The following ADAMTS16 variants were observed in gnomAD, a reference collection of about 807,000 sequenced individuals.
ADAMTS16 encodes the protein ADAM metallopeptidase with thrombospondin type 1 motif 16.
A neutral mutation model predicts 145.8 loss-of-function variants in ADAMTS16; 94 were observed. That is an observed-to-expected ratio of 0.64 (90% confidence interval 0.55 to 0.77). ADAMTS16 has a LOEUF of 0.77. Among genes scored for constraint, ADAMTS16 ranks in the 30% least tolerant of loss-of-function variants. ADAMTS16 has a pLI of 0.00. For missense variants in ADAMTS16, 1,585 were observed against 1,591.5 expected (o/e 1.00, Z 0.07); for synonymous variants, 659 against 604.3 (o/e 1.09, Z -1.33).
In ADAMTS16 at chr5:5,196,093, G is replaced by T. The variant is rs139387839; in HGVS notation, c.1314-4039G>T. On this transcript the variant is annotated intron_variant, in intron 8 of 22. Transcript: ENST00000274181. ...ATACAAAAATTAGCCGAGTGTGGTG[G>T]CAGGTTCCTGTAATCCCAGCTACTC... 9.5e-4 allele frequency among the ~76,000 whole-genome samples: 145 copies of T among 152,104 alleles called. 1 individual carries two copies. The East Asian group carries it at 0.023, about 25-fold the overall frequency.
rs199867877 is a variant in ADAMTS16 at position 5,140,742 on chromosome 5, C to A, written c.151C>A (p.Arg51=). The A allele has an allele frequency of 9.8e-4, 1,536 of 1,567,366 alleles. 8 individuals carry two copies. Among genetic ancestry groups the A allele is most frequent in the Non-Finnish European group, 1.0e-3 (1,197 of 1,157,586 alleles). Residue 51 remains arginine, a synonymous_variant, in exon 2 of 23, where the codon CGG becomes AGG. Transcript: ENST00000274181. Reference sequence around the variant, plus strand: ...CCCGCGTCCTCCTCCACCCGCGGAGCGGCCGGGCTGGATGGAAAAGGGCGG... The same window carrying A: ...CCCGCGTCCTCCTCCACCCGCGGAGAGGCCGGGCTGGATGGAAAAGGGCGG... The part of the protein sequence containing the change: ...SVPRPPPPAE[R]PGWMEKGEYD...
At chr5:5,318,934 C>T (rs1287573806) in intron 22 of ADAMTS16, 89 bp from the exon 23 acceptor site, 26 of 957,476 alleles carry the variant, frequency 2.7e-5, no homozygotes, top group Admixed American at 6.1e-5. Flanking sequence ...GTGACAAATT[C>T]GCTTTTATTT....
At chr5:5,241,868 C>A (rs1227736195) in intron 16 of ADAMTS16, among the ~76,000 whole-genome samples, 185 bp from the exon 17 acceptor site, 2 of 152,000 alleles carry the variant, frequency 1.3e-5, no homozygotes, top group Non-Finnish European at 2.9e-5. Context: ...TTTAGATGAG[C>A]TTGAATCTAG....
Position 5,146,315 on chromosome 5 carries a change from C to T in ADAMTS16, c.361C>T (p.Pro121Ser). 1 of 1,614,170 alleles carries T rather than the reference C, an allele frequency of 6.2e-7. No individual in the cohort carries two copies. The highest frequency in any genetic ancestry group is 8.5e-7 in the Non-Finnish European group (1 of 1,180,026). The change falls in exon 3 of 23, where the codon CCT becomes TCT. Residue 121 changes from proline to serine, a missense_variant. This residue lies in a region of ADAMTS16 where 453 missense variants were observed against 412.1 expected (regional missense o/e 1.10). Coordinates refer to ENST00000274181, the MANE Select transcript of ADAMTS16 (RefSeq NM_139056.4). ...GAGGACTTCCAGCAGCCTAGTGGCT[C>T]CTGGCTTTATTGTGCAGACGTTGGG... Reference protein sequence around the residue: ...DLRTSSSLVAPGFIVQTLGKT... With the variant: ...DLRTSSSLVASGFIVQTLGKT...
At chr5:5,279,968 CTTTCT>C (rs764629159) in intron 18 of ADAMTS16, among the ~76,000 whole-genome samples, 1,370 of 125,892 alleles carry the variant, frequency 0.011, 10 homozygotes, top group Non-Finnish European at 0.018. Flanking sequence ...TTCTTTCCTT[CTTTCT>C]TTTTTTCTTT....
At chr5:5,289,162 T>C (rs1267776701) in intron 18 of ADAMTS16, among the ~76,000 whole-genome samples, 2 of 152,016 alleles carry the variant, frequency 1.3e-5, no homozygotes, top group African/African-American at 2.4e-5. Flanking sequence ...TCTGTCCACA[T>C]CATTGGTTTG....
At chr5:5,159,156 A>G (rs1378410641) in intron 3 of ADAMTS16, among the ~76,000 whole-genome samples, 1 of 152,248 alleles carries the variant, frequency 6.6e-6, no homozygotes, top group Non-Finnish European at 1.5e-5. Context: ...AGGACTGTGG[A>G]AGTCATTCTG....
intron 21 of ADAMTS16, among the ~76,000 whole-genome samples, chr5:5,313,991 A>C (rs1054711688): frequency 2.6e-5 from 4 of 152,210 alleles, no homozygotes; most frequent in Non-Finnish European, 4.4e-5. Context: ...GAAGGTGACC[A>C]TGCACACCTC....
intron 18 of ADAMTS16, among the ~76,000 whole-genome samples, chr5:5,301,035 T>G (rs12109856): frequency 6.6e-6 from 1 of 152,030 alleles, no homozygotes; most frequent in Non-Finnish European, 1.5e-5. Flanking sequence ...AAAACACTTG[T>G]TTTGGACAAT....
intron 17 of ADAMTS16, among the ~76,000 whole-genome samples, chr5:5,260,013 CTTTT>C (rs1270159129): frequency 6.6e-6 from 1 of 152,210 alleles, no homozygotes; most frequent in African/African-American, 2.4e-5. Flanking sequence ...CTAAATTGAT[CTTTT>C]AGAACAGATG....
At chr5:5,241,558 C>T (rs76452920) in intron 16 of ADAMTS16, among the ~76,000 whole-genome samples, 8,269 of 152,256 alleles carry the variant, frequency 0.054, 450 homozygotes, top group East Asian at 0.3. Context: ...CACCAGGAAG[C>T]ATGACGATGC....
At chr5:5,304,953 A>G (rs1213291948) in intron 20 of ADAMTS16, among the ~76,000 whole-genome samples, 1 of 146,314 alleles carries the variant, frequency 6.8e-6, no homozygotes, top group Non-Finnish European at 1.5e-5. Context: ...ACATGCACAC[A>G]CATCCCACAC....
intron 3 of ADAMTS16, among the ~76,000 whole-genome samples, chr5:5,164,312 C>T (rs1326627109): frequency 2.6e-5 from 4 of 152,182 alleles, no homozygotes; most frequent in African/African-American, 7.2e-5. Flanking sequence ...TTTAGAGTGA[C>T]GTTGCTGAAA....
At chr5:5,212,865 C>A (rs1040057521) in intron 10 of ADAMTS16, among the ~76,000 whole-genome samples, 4 of 151,984 alleles carry the variant, frequency 2.6e-5, no homozygotes, top group African/African-American at 9.7e-5. Context: ...TTTCTCTGTT[C>A]CCTTTCTTCT....
intron 8 of ADAMTS16, 49 bp downstream of exon 8, chr5:5,191,839 G>A (rs778218649): frequency 5.9e-5 from 82 of 1,386,824 alleles, no homozygotes; most frequent in Non-Finnish European, 8.2e-5. Context: ...TTTCCTTACT[G>A]GATGATTTCC....
intron 15 of ADAMTS16, 124 bp downstream of exon 15, chr5:5,239,398 A>T: frequency 7.2e-7 from 1 of 1,395,258 alleles, no homozygotes. Flanking sequence ...TTCCTGCCTC[A>T]GCTGGCGCTT....
intron 2 of ADAMTS16, among the ~76,000 whole-genome samples, chr5:5,141,618 C>A (rs1734171680): frequency 6.6e-6 from 1 of 152,104 alleles, no homozygotes. Context: ...TATTAATTGA[C>A]TTTTATAGGA....
intron 21 of ADAMTS16, among the ~76,000 whole-genome samples, chr5:5,314,921 G>A (rs1733973028): frequency 6.6e-6 from 1 of 152,222 alleles, no homozygotes; most frequent in African/African-American, 2.4e-5. Flanking sequence ...CAAGTCGACT[G>A]TGTTCATTAC....
intron 18 of ADAMTS16, among the ~76,000 whole-genome samples, chr5:5,284,360 T>C (rs1739035459): frequency 6.6e-6 from 1 of 152,236 alleles, no homozygotes; most frequent in Non-Finnish European, 1.5e-5. Flanking sequence ...TTTAATATTT[T>C]ATATTGTGTA....
Sources: gnomAD v4.1 joint callset for allele counts (sites outside exome capture counted in the v4.1 genomes callset) on GRCh38, gnomAD v4.1.1 for gene constraint, gnomAD v4.1.1 regional missense constraint, MANE v1.5 for transcripts, NCBI Gene and HGNC (gene_info 2026-07-23, HGNC 2026-07-21) for gene names.